The following SUCLA2 variants were observed in gnomAD, a reference collection of about 807,000 sequenced individuals.
The protein encoded by SUCLA2 is succinate--CoA ligase [ADP-forming] subunit beta, mitochondrial.
Under a neutral mutation model 54.8 loss-of-function variants are expected in SUCLA2, and 30 were observed. The ratio of observed to expected loss-of-function variants is 0.55; its 90% CI spans 0.41 to 0.74. SUCLA2 has a LOEUF of 0.74. Ranked by LOEUF, SUCLA2 falls within the 30% of genes least tolerant of loss-of-function variation. SUCLA2 has a pLI of 0.00. For missense variants in SUCLA2, 476 were observed against 562.9 expected, an observed-to-expected ratio of 0.85 and a Z score of 1.56; for synonymous variants, 172 against 188.9, an observed-to-expected ratio of 0.91 and a Z score of 0.74.
In SUCLA2 at chr13:48,001,162, C is replaced by A. The variant is rs768950945; in HGVS notation, c.90+18G>T. 3 of 1,602,542 alleles carry A rather than the reference C, an allele frequency of 1.9e-6. No individual in the cohort carries two copies. Among genetic ancestry groups the A allele is most frequent in the Non-Finnish European group, 1.7e-6 (2 of 1,175,034 alleles). On this transcript the variant is annotated intron_variant, in intron 1 of 10. Coordinates refer to ENST00000646932, the MANE Select transcript of SUCLA2 (RefSeq NM_003850.3). ...CTCCTGCCGACCCTCGAGACGACAG[C>A]GGACTGGAAGGCATTACCTGAGCAG...
At chr13:47,951,321 C>T (rs1359323439) in intron 8 of SUCLA2, among the ~76,000 whole-genome samples, 8 of 146,924 alleles carry the variant, frequency 5.4e-5, no homozygotes, top group Middle Eastern at 3.2e-3. Context: ...ACCCCGCCCC[C>T]GCTCCCAAGA....
chr13:47,997,813 T>C (rs1178614035), intron 1 of SUCLA2, among the ~76,000 whole-genome samples: 1 of 152,232 alleles, frequency 6.6e-6, no homozygotes, highest in East Asian at 1.9e-4. Flanking sequence ...AGAAACAATC[T>C]GTTTCTTAAA....
intron 6 of SUCLA2, among the ~76,000 whole-genome samples, chr13:47,963,653 CAAACA>C (rs1265053667): frequency 5.0e-5 from 1 of 19,868 alleles, no homozygotes; most frequent in Non-Finnish European, 9.6e-5. Context: ...CCAAAACAAA[CAAACA>C]AAAAAAAAAA....
At chr13:47,945,835 G>A (rs925220939) in intron 10 of SUCLA2, 1 of 152,252 alleles carries the variant, frequency 6.6e-6, no homozygotes, top group Non-Finnish European at 1.5e-5. Flanking sequence ...ATGAAATCTT[G>A]CACCATCCTG....
intron 10 of SUCLA2, among the ~76,000 whole-genome samples, chr13:47,947,342 CAAAA>C (rs202022994): frequency 6.7e-6 from 1 of 150,194 alleles, no homozygotes; most frequent in African/African-American, 2.4e-5. Context: ...AAACAAAAAA[CAAAA>C]AAAACCCTAG....
intron 6 of SUCLA2, among the ~76,000 whole-genome samples, chr13:47,964,730 A>C (rs1029294490): frequency 6.6e-6 from 1 of 151,902 alleles, no homozygotes; most frequent in Non-Finnish European, 1.5e-5. Context: ...GGTGGCGGGC[A>C]CCTGTAGTCC....
chr13:47,998,758 G>A (rs975340508), intron 1 of SUCLA2, among the ~76,000 whole-genome samples: 9 of 152,170 alleles, frequency 5.9e-5, no homozygotes, highest in African/African-American at 2.2e-4. Context: ...GTATTGATAA[G>A]AGAGAGGACA....
intron 1 of SUCLA2, chr13:48,000,853 GC>G (rs769102900): frequency 3.1e-4 from 363 of 1,159,130 alleles, no homozygotes; most frequent in Non-Finnish European, 3.8e-4. Context: ...CGTGCCAGAC[GC>G]CGGAATGGCA....
At chr13:47,976,238 C>T (rs1950011673) in intron 4 of SUCLA2, among the ~76,000 whole-genome samples, 1 of 152,094 alleles carries the variant, frequency 6.6e-6, no homozygotes, top group Admixed American at 6.5e-5. Context: ...ATATATGATC[C>T]AAAAACCTTT....
intron 6 of SUCLA2, among the ~76,000 whole-genome samples, chr13:47,964,856 C>CA (rs553823216): frequency 0.029 from 4,253 of 145,724 alleles, 93 homozygotes; most frequent in South Asian, 0.082. Context: ...GACCCCGTCT[C>CA]AAAAAAAAAA....
chr13:47,989,365 C>T (rs1289394459), intron 2 of SUCLA2, among the ~76,000 whole-genome samples: 1 of 152,074 alleles, frequency 6.6e-6, no homozygotes, highest in Non-Finnish European at 1.5e-5. Flanking sequence ...CGCCCGCCAC[C>T]ATGCCTGGCT....
Position 47,954,249 on chromosome 13 carries a change from T to C in SUCLA2, c.998A>G (p.Asp333Gly), listed in dbSNP as rs140963290. 89 of 1,613,810 alleles carry C rather than the reference T, an allele frequency of 5.5e-5. No homozygotes were observed. Among genetic ancestry groups the C allele is most frequent in the Admixed American group, 1.7e-5 (1 of 59,974 alleles). ...AGTCCCTCCATGAAGTTTTATTATA[T>C]CCATTGTGGCCATAGCCAAACCAGC... ...NGAGLAMATM[D>G]IIKLHGGTPA... The change falls in exon 8 of 11, where the codon GAT becomes GGT. Residue 333 changes from aspartate to glycine, a missense_variant. Physicochemically the swap from Asp to Gly is moderately conservative, Grantham distance 94. Transcript: ENST00000646932.
intron 2 of SUCLA2, 34 bp downstream of exon 2, chr13:47,996,809 G>C (rs766973816): frequency 1.2e-6 from 2 of 1,609,086 alleles, no homozygotes; most frequent in Non-Finnish European, 1.7e-6. Context: ...GAGCTCTCAT[G>C]TCAAGGTGGC....
chr13:47,943,762 G>GTATATATATATATA (rs1419922780), intron 10 of SUCLA2, among the ~76,000 whole-genome samples: 2 of 133,356 alleles, frequency 1.5e-5, no homozygotes, highest in African/African-American at 6.1e-5. Context: ...GTGTGTGTGT[G>GTATATATATATATA]TGTGTATATA....
chr13:47,997,543 C>T (rs778699730), intron 1 of SUCLA2, among the ~76,000 whole-genome samples: 1 of 152,194 alleles, frequency 6.6e-6, no homozygotes, highest in Non-Finnish European at 1.5e-5. Context: ...CCATTCAGGA[C>T]CAAGGCATTC....
intron 6 of SUCLA2, among the ~76,000 whole-genome samples, chr13:47,962,111 T>C (rs754244079): frequency 6.6e-6 from 1 of 152,210 alleles, no homozygotes; most frequent in Non-Finnish European, 1.5e-5. Flanking sequence ...TTTTTTTGTT[T>C]GAAATATTGA....
intron 2 of SUCLA2, among the ~76,000 whole-genome samples, chr13:47,996,248 G>A (rs574379487): frequency 3.3e-5 from 5 of 151,420 alleles, no homozygotes; most frequent in South Asian, 4.2e-4. Context: ...CCTTGAACCC[G>A]GGAAGCGGAG....
At position 47,943,003 on chromosome 13, in the gene SUCLA2, AC is replaced by A. The variant is rs1949697832; in HGVS notation, c.*367del. 1 of 245,110 alleles carries A rather than the reference AC, an allele frequency of 4.1e-6. No individual in the cohort carries two copies. The highest frequency in any genetic ancestry group is 2.3e-5 in the African/African-American group (1 of 43,696). The allele number at this position is 245,110 out of a possible 1,614,324, so 15.2% of individuals were successfully genotyped here. A position where few individuals can be genotyped will look rare whatever the true frequency, so the allele number is the denominator to read the frequency against. The stretch of plus-strand genomic sequence containing the variant: ...ACTAATGAGGCTAGTTATTAGATAT[AC>A]TGTATTTTAACACTAAAGAATAAAG... On this transcript the variant is annotated 3_prime_UTR_variant, in exon 11 of 11. Coordinates refer to ENST00000646932, the MANE Select transcript of SUCLA2 (RefSeq NM_003850.3).
At chr13:47,958,792 T>C (rs1174158713) in intron 6 of SUCLA2, among the ~76,000 whole-genome samples, 17 of 152,328 alleles carry the variant, frequency 1.1e-4, no homozygotes, top group East Asian at 3.9e-4. Flanking sequence ...CTGATATTCA[T>C]AGATTATAAA....
Sources: allele counts gnomAD v4.1 joint callset (sites outside exome capture counted in the v4.1 genomes callset), GRCh38; gene constraint gnomAD v4.1.1; transcripts MANE v1.5; gene names NCBI Gene and HGNC (gene_info 2026-07-23, HGNC 2026-07-21).